BMPR1B: variants seen among roughly 807,000 people sequenced by gnomAD.
The protein encoded by BMPR1B is bone morphogenetic protein receptor type-1B.
BMPR1B carries 12 observed loss-of-function variants against 59.1 expected under a neutral mutation model. The ratio of observed to expected loss-of-function variants is 0.20; its 90% CI spans 0.13 to 0.33. The LOEUF (loss-of-function observed/expected upper bound fraction) is 0.33, where lower values mean the gene tolerates loss of function less well. Ranked by LOEUF, BMPR1B falls within the 10% of genes least tolerant of loss-of-function variation. The probability of loss-of-function intolerance (pLI) is 1.00; values close to 1 mark genes in which losing one functional copy is unlikely to be tolerated. For missense variants in BMPR1B, 550 were observed against 610.9 expected, an observed-to-expected ratio of 0.90 and a Z score of 1.05; for synonymous variants, 237 against 207.3, an observed-to-expected ratio of 1.14 and a Z score of -1.23.
intron 10 of BMPR1B, among the ~76,000 whole-genome samples, chr4:95,137,676 C>T (rs918345727): frequency 1.3e-5 from 2 of 151,874 alleles, no homozygotes; most frequent in Non-Finnish European, 2.9e-5. Flanking sequence ...TTCTTTGTCT[C>T]TTTTGATCTT....
chr4:94,962,172 C>G (rs1346287790), intron 2 of BMPR1B, among the ~76,000 whole-genome samples: 1 of 131,930 alleles, frequency 7.6e-6, no homozygotes, highest in African/African-American at 3.0e-5. Context: ...CAGTCTTGCT[C>G]TGTCACCGAG....
intron 2 of BMPR1B, among the ~76,000 whole-genome samples, chr4:94,912,444 A>T (rs1262913505): frequency 3.3e-5 from 5 of 152,126 alleles, no homozygotes; most frequent in African/African-American, 9.7e-5. Flanking sequence ...AAGTAGCTTT[A>T]AAAGTTGCCT....
chr4:94,834,748 G>A (rs1457833139), intron 1 of BMPR1B, among the ~76,000 whole-genome samples: 1 of 152,084 alleles, frequency 6.6e-6, no homozygotes, highest in Non-Finnish European at 1.5e-5. Context: ...AGAAAGTTCA[G>A]CATCACCAGC....
chr4:94,975,631 C>A lies in BMPR1B; in HGVS notation c.-112-20409C>A, dbSNP rs572074599. The stretch of plus-strand genomic sequence containing the variant: ...GGACTCCTGGGCTCAAGCAATCCAC[C>A]CACCTCCCAAAGTGCTAGGACTACA... On this transcript the variant is annotated intron_variant, in intron 2 of 12. Coordinates refer to ENST00000515059, the MANE Select transcript of BMPR1B (RefSeq NM_001203.3). 2.6e-5 allele frequency among the ~76,000 whole-genome samples: 4 copies of A among 152,092 alleles called. No homozygotes were observed. In the South Asian group the frequency reaches 8.3e-4, roughly 32 times the overall value.
chr4:94,854,419 T>G (rs924940029), intron 1 of BMPR1B, among the ~76,000 whole-genome samples: 1 of 152,152 alleles, frequency 6.6e-6, no homozygotes, highest in African/African-American at 2.4e-5. Context: ...CTGAAAAAGT[T>G]TTGTTGTATC....
chr4:94,857,748 A>G (rs1725815938), intron 1 of BMPR1B, among the ~76,000 whole-genome samples: 1 of 152,206 alleles, frequency 6.6e-6, no homozygotes, highest in South Asian at 2.1e-4. Flanking sequence ...ATGTCCTCAA[A>G]AAGACATCTG....
chr4:94,805,422 A>G (rs1723570029), intron 1 of BMPR1B, among the ~76,000 whole-genome samples: 1 of 152,184 alleles, frequency 6.6e-6, no homozygotes, highest in African/African-American at 2.4e-5. Flanking sequence ...TGTATTTGCA[A>G]AATTTATAAA....
intron 4 of BMPR1B, among the ~76,000 whole-genome samples, chr4:95,107,596 T>C (rs1731281079): frequency 6.6e-6 from 1 of 152,120 alleles, no homozygotes; most frequent in Non-Finnish European, 1.5e-5. Flanking sequence ...TTAGCATGTT[T>C]ACTTTTACCT....
At chr4:95,099,228 T>G (rs929318645) in intron 3 of BMPR1B, among the ~76,000 whole-genome samples, 1 of 152,220 alleles carries the variant, frequency 6.6e-6, no homozygotes, top group African/African-American at 2.4e-5. Flanking sequence ...GAGAAGTTCC[T>G]TCTTGGCTCG....
In BMPR1B at chr4:95,104,423, A is replaced by G. The variant is rs980941418; in HGVS notation, c.-2A>G. 6.2e-7 allele frequency: 1 copy of G among 1,613,044 alleles called. No homozygotes were observed. Among genetic ancestry groups the G allele is most frequent in the Non-Finnish European group, 8.5e-7 (1 of 1,179,458 alleles). ...CTTCTTTCAGCAAACTTCCTTGATA[A>G]CATGCTTTTGCGAAGTGCAGGAAAA... On this transcript the variant is annotated 5_prime_UTR_variant, in exon 4 of 13. Coordinates refer to ENST00000515059, the MANE Select transcript of BMPR1B (RefSeq NM_001203.3).
intron 3 of BMPR1B, among the ~76,000 whole-genome samples, chr4:95,045,448 C>T (rs562319745): frequency 6.6e-6 from 1 of 152,158 alleles, no homozygotes; most frequent in Non-Finnish European, 1.5e-5. Context: ...CCTCCCCAGT[C>T]TACTTTTCCA....
At chr4:95,134,676 G>T (rs927386728) in intron 10 of BMPR1B, among the ~76,000 whole-genome samples, 9 of 152,196 alleles carry the variant, frequency 5.9e-5, no homozygotes, top group African/African-American at 1.9e-4. Flanking sequence ...CTTTTGAGAA[G>T]TGTCTGTTCA....
At chr4:95,021,980 G>A (rs1157133682) in intron 3 of BMPR1B, among the ~76,000 whole-genome samples, 2 of 152,152 alleles carry the variant, frequency 1.3e-5, no homozygotes, top group Non-Finnish European at 2.9e-5. Context: ...CTAAATAGAT[G>A]AAAAATAACT....
chr4:94,873,640 C>A (rs1726593036), intron 1 of BMPR1B, among the ~76,000 whole-genome samples: 1 of 152,146 alleles, frequency 6.6e-6, no homozygotes, highest in Non-Finnish European at 1.5e-5. Flanking sequence ...GATCTCCTGA[C>A]CTTGTGATCT....
At chr4:95,103,331 T>G in intron 3 of BMPR1B, 1 of 415,076 alleles carries the variant, frequency 2.4e-6, no homozygotes, top group Non-Finnish European at 3.2e-6. Context: ...TATCTTATAC[T>G]TCTGACCTAA....
intron 2 of BMPR1B, among the ~76,000 whole-genome samples, chr4:94,973,110 C>T (rs1230586448): frequency 6.6e-6 from 1 of 152,050 alleles, no homozygotes; most frequent in Non-Finnish European, 1.5e-5. Context: ...GGTCCCGTGA[C>T]AGCATCTAGG....
In BMPR1B at chr4:95,154,935, T is replaced by A. The variant is rs1311564938; in HGVS notation, c.*262T>A. 5 of 445,216 alleles carry A rather than the reference T, an allele frequency of 1.1e-5. No individual in the cohort carries two copies. The highest frequency in any genetic ancestry group is 8.0e-5 in the African/African-American group (4 of 50,050). 27.6% of individuals were successfully genotyped at this position (445,216 alleles called of 1,614,324 possible). A position where few individuals can be genotyped will look rare whatever the true frequency, so the allele number is the denominator to read the frequency against. ...TCAAGATATGATGCATGTTGCTTTCTAAGAAAGCCCTGTATTTTGTGATTG... is the reference window on the plus strand; with the variant it reads ...TCAAGATATGATGCATGTTGCTTTCAAAGAAAGCCCTGTATTTTGTGATTG... On this transcript the variant is annotated 3_prime_UTR_variant, in exon 13 of 13. Transcript: ENST00000515059.
At position 95,130,005 on chromosome 4, in the gene BMPR1B, A is replaced by T. The variant is rs1306782325; in HGVS notation, c.729A>T (p.Arg243Ser). ...FFTTEEASWF[R>S]ETEIYQTVLM... is the part of the protein sequence containing the mutation. ...CCACAGAGGAAGCCAGCTGGTTCAG[A>T]GAGACAGAAATATATCAGACAGTGT... is the stretch of plus-strand genomic sequence containing the variant. Residue 243 changes from arginine to serine, a missense_variant, in exon 9 of 13, where the codon AGA becomes AGT. Coordinates refer to ENST00000515059, the MANE Select transcript of BMPR1B (RefSeq NM_001203.3). 1.9e-6 allele frequency: 3 copies of T among 1,613,888 alleles called. No individual in the cohort carries two copies. Among genetic ancestry groups the T allele is most frequent in the Non-Finnish European group, 2.5e-6 (3 of 1,179,920 alleles).
At chr4:94,784,204 G>T (rs1722681980) in intron 1 of BMPR1B, among the ~76,000 whole-genome samples, 1 of 152,156 alleles carries the variant, frequency 6.6e-6, no homozygotes, top group Non-Finnish European at 1.5e-5. Context: ...CATTCTAGAA[G>T]TGGATTATTG....
Sources: allele counts gnomAD v4.1 joint callset (sites outside exome capture counted in the v4.1 genomes callset), GRCh38; gene constraint gnomAD v4.1.1; transcripts MANE v1.5; gene names NCBI Gene and HGNC (gene_info 2026-07-23, HGNC 2026-07-21).